The following PARVB variants were observed in gnomAD, a reference collection of about 807,000 sequenced individuals.
The protein encoded by PARVB is beta-parvin.
A neutral mutation model predicts 47.0 loss-of-function variants in PARVB; 46 were observed. That is an observed-to-expected ratio of 0.98 (90% confidence interval 0.77 to 1.25). The LOEUF is 1.25. PARVB is among the 50% of genes most tolerant of loss of function. PARVB has a pLI of 0.00. For synonymous variants in PARVB, 196 were observed against 196.3 expected (o/e 1.00, Z 0.01); for missense variants, 473 against 471.6 (o/e 1.00, Z -0.03).
chr22:44,095,824 A>G (rs1402207220), intron 2 of PARVB, among the ~76,000 whole-genome samples: 1 of 152,218 alleles, frequency 6.6e-6, no homozygotes, highest in Non-Finnish European at 1.5e-5. Context: ...CTTATGGAGA[A>G]GAAACGCCGA....
intron 4 of PARVB, 32 bp downstream of exon 4, chr22:44,119,172 C>G: frequency 7.1e-7 from 1 of 1,409,334 alleles, no homozygotes; most frequent in Non-Finnish European, 1.0e-6. Flanking sequence ...CTCTGTCCCA[C>G]CCCCATCTCC....
chr22:44,056,528 C>T (rs1462825809), intron 1 of PARVB, among the ~76,000 whole-genome samples: 1 of 152,038 alleles, frequency 6.6e-6, no homozygotes, highest in African/African-American at 2.4e-5. Context: ...GTTTTTGAGA[C>T]AGGTTCTCCC....
exon 1 of PARVB, chr22:43,999,346 C>T (rs1281234994): frequency 6.8e-6 from 11 of 1,606,194 alleles, no homozygotes; most frequent in Admixed American, 1.7e-5. Flanking sequence ...CACAAATGCA[C>T]CATGTGTTTA....
chr22:44,098,577 G>A (rs2052364851), intron 2 of PARVB, among the ~76,000 whole-genome samples: 1 of 152,146 alleles, frequency 6.6e-6, no homozygotes, highest in Non-Finnish European at 1.5e-5. Flanking sequence ...GCCACATGGA[G>A]GACGCCGGCC....
chr22:44,094,816 T>G (rs992011984), intron 2 of PARVB, among the ~76,000 whole-genome samples: 7 of 151,738 alleles, frequency 4.6e-5, no homozygotes, highest in African/African-American at 1.7e-4. Context: ...TGGCTTTCTC[T>G]GAAGGAATGG....
intron 4 of PARVB, among the ~76,000 whole-genome samples, chr22:44,129,334 G>A (rs9614344): frequency 0.16 from 24,555 of 152,162 alleles, 2,417 homozygotes; most frequent in Admixed American, 0.23. Flanking sequence ...ATAAATCTCC[G>A]TTGTTTAAGC....
chr22:44,020,884 G>A (rs1355212628), upstream of PARVB, among the ~76,000 whole-genome samples: 2 of 151,796 alleles, frequency 1.3e-5, no homozygotes, highest in South Asian at 2.1e-4. Flanking sequence ...GGGTTCAAGC[G>A]ATTCTCCTGC....
intron 1 of PARVB, chr22:44,086,556 C>T (rs1601581318): frequency 6.3e-6 from 1 of 158,678 alleles, no homozygotes; most frequent in Non-Finnish European, 1.4e-5. Context: ...TTATGATCCG[C>T]GACTCCCTCC....
chr22:44,113,261 A>G (rs2052757776), intron 3 of PARVB: 1 of 108,468 alleles, frequency 9.2e-6, no homozygotes, highest in Non-Finnish European at 1.8e-5. Flanking sequence ...GCCCTGCACC[A>G]ACACAGATAC....
intron 8 of PARVB, chr22:44,141,486 C>T (rs1446337458): frequency 6.6e-6 from 1 of 152,210 alleles, no homozygotes; most frequent in Non-Finnish European, 1.5e-5. Context: ...CTTCTGCCTG[C>T]TTTTTATTTT....
At chr22:44,102,351 T>G (rs1280530125) in intron 3 of PARVB, among the ~76,000 whole-genome samples, 10 of 152,346 alleles carry the variant, frequency 6.6e-5, no homozygotes, top group African/African-American at 2.4e-4. Flanking sequence ...CAATGTTTCA[T>G]TGGCTATCTG....
At chr22:44,134,548 C>T (rs563566126) in intron 6 of PARVB, among the ~76,000 whole-genome samples, 3 of 152,310 alleles carry the variant, frequency 2.0e-5, no homozygotes, top group African/African-American at 4.8e-5. Flanking sequence ...CCTGCCATAA[C>T]GGGTTAGAGG....
At chr22:44,005,186 A>G (rs1266628981) in intron 2 of PARVB, among the ~76,000 whole-genome samples, 7 of 151,984 alleles carry the variant, frequency 4.6e-5, no homozygotes, top group African/African-American at 1.7e-4. Flanking sequence ...TGCAGCTTCA[A>G]CCTCTTGGAC....
chr22:44,110,023 G>C (rs933601234), intron 3 of PARVB: 1 of 145,482 alleles, frequency 6.9e-6, no homozygotes, highest in Non-Finnish European at 1.5e-5. Flanking sequence ...TGAGGCAGGA[G>C]AATGGCGTGA....
chr22:44,086,572 C>A, intron 1 of PARVB: 1 of 167,974 alleles, frequency 6.0e-6, no homozygotes, highest in Non-Finnish European at 1.2e-5. Flanking sequence ...CCTCCAATCA[C>A]CTTCCTTCTG....
At chr22:44,060,005 G>T in intron 1 of PARVB, among the ~76,000 whole-genome samples, 1 of 152,098 alleles carries the variant, frequency 6.6e-6, no homozygotes, top group Admixed American at 6.5e-5. Context: ...ATGTAAGGTG[G>T]CCTTTTGTAT....
At chr22:44,137,441 G>A (rs915529262) in intron 7 of PARVB, among the ~76,000 whole-genome samples, 1 of 152,230 alleles carries the variant, frequency 6.6e-6, no homozygotes, top group Non-Finnish European at 1.5e-5. Flanking sequence ...TCAGCAGTAG[G>A]AGAAGGGCTG....
chr22:44,095,935 G>A (rs2052294506), intron 2 of PARVB, among the ~76,000 whole-genome samples: 1 of 152,198 alleles, frequency 6.6e-6, no homozygotes, highest in African/African-American at 2.4e-5. Context: ...TTAGAAGAGA[G>A]TGGCCCCACC....
intron 1 of PARVB, among the ~76,000 whole-genome samples, chr22:44,033,332 A>G (rs2050858487): frequency 6.6e-6 from 1 of 151,860 alleles, no homozygotes; most frequent in Non-Finnish European, 1.5e-5. Context: ...GTGAGCCACC[A>G]CTCCCGGCCC....
Sources: gnomAD v4.1 joint callset for allele counts (sites outside exome capture counted in the v4.1 genomes callset) on GRCh38, gnomAD v4.1.1 for gene constraint, MANE v1.5 for transcripts, NCBI Gene and HGNC (gene_info 2026-07-23, HGNC 2026-07-21) for gene names.